Variants in VWA8 observed in about 807,000 individuals in gnomAD.
The protein encoded by VWA8 is von Willebrand factor A domain-containing protein 8.
Under a neutral mutation model 241.5 loss-of-function variants are expected in VWA8, and 221 were observed. The ratio of observed to expected loss-of-function variants is 0.91; its 90% confidence interval spans 0.82 to 1.02. The LOEUF is 1.02. Among genes scored for constraint, VWA8 ranks in the 50% least tolerant of loss-of-function variants. The probability of loss-of-function intolerance (pLI) is 0.00; values close to 1 mark genes in which losing one functional copy is unlikely to be tolerated. For missense variants in VWA8, 2,322 were observed against 2,328.7 expected (o/e 1.00, Z 0.06); for synonymous variants, 852 against 827.1 (o/e 1.03, Z -0.52).
At chr13:41,848,849 G>A (rs944324891) in intron 12 of VWA8, among the ~76,000 whole-genome samples, 4 of 152,194 alleles carry the variant, frequency 2.6e-5, no homozygotes, top group Non-Finnish European at 5.9e-5. Flanking sequence ...CTAAATCTGG[G>A]AGAGCTTAAG....
chr13:41,642,868 G>A (rs966720471), intron 37 of VWA8, among the ~76,000 whole-genome samples: 9 of 151,802 alleles, frequency 5.9e-5, no homozygotes, highest in African/African-American at 2.2e-4. Context: ...GGCGGAGGTT[G>A]CAGTGAGCTG....
At chr13:41,830,671 TA>T in intron 13 of VWA8, 29 bp from the exon 14 acceptor site, 1 of 1,590,934 alleles carries the variant, frequency 6.3e-7, no homozygotes, top group Non-Finnish European at 8.6e-7. Flanking sequence ...AGCCCGAAAA[TA>T]AATTAATGTG....
intron 12 of VWA8, among the ~76,000 whole-genome samples, chr13:41,841,812 A>AT (rs1872041649): frequency 6.5e-4 from 19 of 29,456 alleles, no homozygotes; most frequent in African/African-American, 1.7e-3. Context: ...AAAAAAAAAA[A>AT]AAAAAAAAAT....
chr13:41,579,694 TATCTC>T (rs1212977299), intron 42 of VWA8, among the ~76,000 whole-genome samples: 2 of 152,228 alleles, frequency 1.3e-5, no homozygotes, highest in Non-Finnish European at 2.9e-5. Flanking sequence ...GGCTTCCATA[TATCTC>T]ATCTCATTTT....
At chr13:41,713,339 C>G (rs2045330066) in intron 26 of VWA8, among the ~76,000 whole-genome samples, 1 of 152,070 alleles carries the variant, frequency 6.6e-6, no homozygotes, top group African/African-American at 2.4e-5. Flanking sequence ...TTTCTAGGGC[C>G]TCTCTCAAAA....
rs777385260 is a variant in VWA8, at chr13:41,615,099, T to C, written c.4612-15A>G. On this transcript the variant is annotated splice_polypyrimidine_tract_variant and intron_variant, in intron 37 of 44. Transcript: ENST00000379310. ...TTGATTGTTATCTAAAAATGAACAA[T>C]TGAGACATTTTTACTATCCTGTGAC... 1 of 1,612,372 alleles carries C rather than the reference T, an allele frequency of 6.2e-7. No homozygotes were observed. The highest frequency in any genetic ancestry group is 1.3e-5 in the African/African-American group (1 of 74,966).
rs578216568 is a variant in VWA8 at position 41,621,689 on chromosome 13, TTTAAGA to T, written c.4612-6611_4612-6606del. Among the ~76,000 whole-genome samples the T allele has an allele frequency of 9.3e-4, 141 of 152,294 alleles. 1 individual carries two copies. The South Asian group carries it at 0.015, about 16-fold the overall frequency. ...TTATTCTGCTGTAAGAGAACAGTCT[TTTAAGA>T]ATAAGTACTACAAATGAAGGCACAA... On this transcript the variant is annotated intron_variant, in intron 37 of 44. Coordinates refer to ENST00000379310, the MANE Select transcript of VWA8 (RefSeq NM_015058.2).
At chr13:41,595,182 A>G (rs1011806267) in intron 40 of VWA8, among the ~76,000 whole-genome samples, 1 of 152,194 alleles carries the variant, frequency 6.6e-6, no homozygotes, top group Non-Finnish European at 1.5e-5. Flanking sequence ...ATCATGCAAG[A>G]ATCCAGGGAT....
At chr13:41,637,269 T>C (rs1174668940) in intron 37 of VWA8, among the ~76,000 whole-genome samples, 1 of 151,340 alleles carries the variant, frequency 6.6e-6, no homozygotes, top group Non-Finnish European at 1.5e-5. Context: ...TGTAGGGACA[T>C]GGATGAAGCT....
Position 41,568,106 on chromosome 13 carries a change from T to C in VWA8, c.*91A>G. 2 of 1,084,190 alleles carry C rather than the reference T, an allele frequency of 1.8e-6. No individual in the cohort carries two copies. Among genetic ancestry groups the C allele is most frequent in the Non-Finnish European group, 2.8e-6 (2 of 718,048 alleles). The allele number at this position is 1,084,190 out of a possible 1,614,324, so 67.2% of individuals were successfully genotyped here. ...GGAATCATCCAGTCACTGCATGGGT[T>C]CACTTCATCCATATCTTCTTTTTTT... On this transcript the variant is annotated 3_prime_UTR_variant, in exon 45 of 45. Transcript: ENST00000379310.
At position 41,857,014 on chromosome 13, in the gene VWA8, C is replaced by G. The variant is rs1035121295; in HGVS notation, c.1425+8722G>C. Among the ~76,000 whole-genome samples the G allele has an allele frequency of 3.9e-5, 6 of 152,160 alleles. No homozygotes were observed. In the East Asian group the frequency reaches 1.2e-3, roughly 29 times the overall value. Reference sequence around the variant, plus strand: ...ATCTGCAAAACTGCTTCTTTATATACTACTGTGTATTTGAGACTTGAAGTA... The same window carrying G: ...ATCTGCAAAACTGCTTCTTTATATAGTACTGTGTATTTGAGACTTGAAGTA... On this transcript the variant is annotated intron_variant, in intron 12 of 44. Coordinates refer to ENST00000379310, the MANE Select transcript of VWA8 (RefSeq NM_015058.2).
At chr13:41,835,075 C>CT (rs1055487991) in intron 12 of VWA8, among the ~76,000 whole-genome samples, 4 of 152,084 alleles carry the variant, frequency 2.6e-5, no homozygotes, top group African/African-American at 9.7e-5. Flanking sequence ...ACACTGGGGC[C>CT]TGTCAGAGGG....
chr13:41,648,175 T>C (rs1241900296), intron 37 of VWA8, among the ~76,000 whole-genome samples: 1 of 152,144 alleles, frequency 6.6e-6, no homozygotes, highest in African/African-American at 2.4e-5. Flanking sequence ...GTAAAGTGTC[T>C]CACACTTCCT....
intron 37 of VWA8, among the ~76,000 whole-genome samples, chr13:41,647,058 T>C (rs936262610): frequency 6.6e-6 from 1 of 152,228 alleles, no homozygotes; most frequent in East Asian, 1.9e-4. Context: ...TTAACAGTGA[T>C]GGGCAGGCTT....
At chr13:41,573,104 G>A (rs1169010011) in intron 43 of VWA8, among the ~76,000 whole-genome samples, 11 of 88,246 alleles carry the variant, frequency 1.2e-4, no homozygotes, top group African/African-American at 4.1e-4. Flanking sequence ...GCAAGACACC[G>A]TTTCAAAAAA....
chr13:41,920,578 T>C (rs1420456942), intron 2 of VWA8, among the ~76,000 whole-genome samples: 3 of 151,662 alleles, frequency 2.0e-5, no homozygotes, highest in African/African-American at 4.9e-5. Flanking sequence ...AAGAATCAAA[T>C]AGATGAAATA....
At chr13:41,771,659 A>G (rs2045824079) in intron 20 of VWA8, among the ~76,000 whole-genome samples, 1 of 152,112 alleles carries the variant, frequency 6.6e-6, no homozygotes. Flanking sequence ...GTTCACTGCA[A>G]CTTCTGCCTC....
intron 20 of VWA8, among the ~76,000 whole-genome samples, chr13:41,775,806 A>G (rs572237630): frequency 1.3e-5 from 2 of 152,314 alleles, no homozygotes; most frequent in South Asian, 4.1e-4. Context: ...TTCATTCATC[A>G]TAAAGCAGAG....
chr13:41,822,881 A>G (rs1314192530), intron 14 of VWA8, among the ~76,000 whole-genome samples: 1 of 152,192 alleles, frequency 6.6e-6, no homozygotes, highest in Non-Finnish European at 1.5e-5. Context: ...GATTCCATTT[A>G]TATAAAACTC....
Sources: gnomAD v4.1 joint callset for allele counts (sites outside exome capture counted in the v4.1 genomes callset) on GRCh38, gnomAD v4.1.1 for gene constraint, MANE v1.5 for transcripts, NCBI Gene and HGNC (gene_info 2026-07-23, HGNC 2026-07-21) for gene names.